SEC23B: variants seen among roughly 807,000 people sequenced by gnomAD.
The protein encoded by SEC23B is SEC23 homolog B, COPII component, also known as protein transport protein Sec23B.
A neutral mutation model predicts 104.3 loss-of-function variants in SEC23B; 77 were observed. The observed-to-expected ratio is 0.74, with a 90% CI of 0.61 to 0.89. The LOEUF is 0.89. Among genes scored for constraint, SEC23B ranks in the 40% least tolerant of loss-of-function variants. The pLI, the probability that SEC23B is intolerant of heterozygous loss-of-function variation, is 0.00. For synonymous variants in SEC23B, 338 were observed against 332.5 expected, an observed-to-expected ratio of 1.02 and a Z score of -0.18; for missense variants, 885 against 949.4, an observed-to-expected ratio of 0.93 and a Z score of 0.89.
intron 14 of SEC23B, among the ~76,000 whole-genome samples, chr20:18,545,752 C>G (rs1214632777): frequency 6.6e-6 from 1 of 152,152 alleles, no homozygotes; most frequent in Non-Finnish European, 1.5e-5. Flanking sequence ...TCAGCTCCTC[C>G]CTAGAGTCTG....
At chr20:18,555,725 C>CAG (rs1568626279) in intron 19 of SEC23B, among the ~76,000 whole-genome samples, 8 of 152,054 alleles carry the variant, frequency 5.3e-5, no homozygotes, top group African/African-American at 1.9e-4. Context: ...AGAAATAATA[C>CAG]AGAGAGATCA....
Position 18,554,251 on chromosome 20 carries a change from G to A in SEC23B, c.2009G>A (p.Arg670His), listed in dbSNP as rs757662443. The A allele has an allele frequency of 2.4e-5, 38 of 1,614,060 alleles. No individual in the cohort carries two copies. The highest frequency in any genetic ancestry group is 1.2e-4 in the South Asian group (11 of 91,092). ...TCTGTGTAGACCATAGCCCAGTGGC[G>A]TAAAGCTGGCTACCAGGACATGCCC... is the stretch of plus-strand genomic sequence containing the variant. ...IYLGETIAQW[R>H]KAGYQDMPEY... The change falls in exon 18 of 20, where the codon CGT becomes CAT. Residue 670 changes from arginine to histidine, a missense_variant. Physicochemically the swap from Arg to His is conservative, Grantham distance 29. Coordinates refer to ENST00000650089, the MANE Select transcript of SEC23B (RefSeq NM_006363.6).
chr20:18,513,467 A>G (rs1423165839), intron 3 of SEC23B, among the ~76,000 whole-genome samples: 6 of 152,226 alleles, frequency 3.9e-5, no homozygotes, highest in Admixed American at 6.5e-5. Flanking sequence ...AGTGAATTTT[A>G]TGTTGCGTAA....
chr20:18,512,313 T>C (rs2059988504), intron 3 of SEC23B, 31 bp downstream of exon 3: 2 of 1,372,418 alleles, frequency 1.5e-6, no homozygotes, highest in Non-Finnish European at 1.0e-6. Flanking sequence ...AAATGTTATA[T>C]GTTTTATTTT....
chr20:18,557,201 A>C (rs1012973880), intron 19 of SEC23B, among the ~76,000 whole-genome samples: 1 of 151,734 alleles, frequency 6.6e-6, no homozygotes, highest in Non-Finnish European at 1.5e-5. Flanking sequence ...CTGCCTTCCC[A>C]TGAGTTATTT....
At chr20:18,551,259 G>C in intron 17 of SEC23B, 84 bp downstream of exon 17, 1 of 751,364 alleles carries the variant, frequency 1.3e-6, no homozygotes, top group Non-Finnish European at 2.3e-6. Flanking sequence ...CACACAAGGA[G>C]AATTATTGTC....
At chr20:18,557,161 T>C (rs903476238) in intron 19 of SEC23B, among the ~76,000 whole-genome samples, 1 of 152,210 alleles carries the variant, frequency 6.6e-6, no homozygotes, top group Non-Finnish European at 1.5e-5. Flanking sequence ...TGTTTTCTGC[T>C]TTTCTTTTTT....
chr20:18,534,583 G>T (rs903781152), intron 11 of SEC23B, among the ~76,000 whole-genome samples: 4 of 152,200 alleles, frequency 2.6e-5, no homozygotes, highest in Non-Finnish European at 5.9e-5. Context: ...TACTGTAAGG[G>T]AACACTTCCC....
intron 11 of SEC23B, among the ~76,000 whole-genome samples, chr20:18,533,280 C>T (rs986136477): frequency 6.6e-5 from 10 of 152,154 alleles, no homozygotes; most frequent in African/African-American, 1.9e-4. Context: ...TTGAGATGAG[C>T]GGCTTTGCTT....
chr20:18,525,356 G>A (rs368601633), intron 6 of SEC23B, among the ~76,000 whole-genome samples: 1 of 152,154 alleles, frequency 6.6e-6, no homozygotes, highest in African/African-American at 2.4e-5. Flanking sequence ...TAACAAGCTC[G>A]ATAAAATGCA....
intron 12 of SEC23B, among the ~76,000 whole-genome samples, chr20:18,536,988 T>G (rs2060237824): frequency 6.6e-6 from 1 of 152,180 alleles, no homozygotes; most frequent in Non-Finnish European, 1.5e-5. Flanking sequence ...AGAGGAGGGT[T>G]TGGTCTTGCA....
rs2060121444 is a variant in SEC23B at position 18,524,950 on chromosome 20, A to T, written c.619A>T (p.Thr207Ser). 1 of 1,613,682 alleles carries T rather than the reference A, an allele frequency of 6.2e-7. No individual in the cohort carries two copies. The highest frequency in any genetic ancestry group is 1.7e-5 in the Admixed American group (1 of 59,948). Residue 207 changes from threonine to serine, a missense_variant, in exon 6 of 20, where the codon ACC becomes TCC. Coordinates refer to ENST00000650089, the MANE Select transcript of SEC23B (RefSeq NM_006363.6). ...TTTTTTTAAGGATATGTTGGGCCTGACCAAGCCAGCCATGCCCATGCAGCA... is the reference window on the plus strand; with the variant it reads ...TTTTTTTAAGGATATGTTGGGCCTGTCCAAGCCAGCCATGCCCATGCAGCA... Reference protein sequence around the residue: ...AKQIQDMLGLTKPAMPMQQAR... With the variant: ...AKQIQDMLGLSKPAMPMQQAR...
chr20:18,510,088 C>A (rs1035762585), intron 1 of SEC23B: 1 of 152,258 alleles, frequency 6.6e-6, no homozygotes, highest in Non-Finnish European at 1.5e-5. Context: ...AATGAGCACC[C>A]CCCCGCTACT....
intron 17 of SEC23B, among the ~76,000 whole-genome samples, chr20:18,553,987 T>C (rs1304608458): frequency 2.0e-5 from 3 of 152,158 alleles, no homozygotes; most frequent in Admixed American, 6.5e-5. Flanking sequence ...TGTTAACTAG[T>C]TGATATAGAA....
At position 18,539,934 on chromosome 20, in the gene SEC23B, A is replaced by G. The variant is rs949529281; in HGVS notation, c.1405-2362A>G. 2.6e-5 allele frequency among the ~76,000 whole-genome samples: 4 copies of G among 152,164 alleles called. No individual in the cohort carries two copies. In the South Asian group the frequency reaches 6.2e-4, roughly 24 times the overall value. ...GCTGGGATTACAGGCGTAAGCCACT[A>G]TGCCCAGCTGAGGATCCACTTCTAA... On this transcript the variant is annotated intron_variant, in intron 12 of 19. Coordinates refer to ENST00000650089, the MANE Select transcript of SEC23B (RefSeq NM_006363.6).
chr20:18,535,708 C>A lies in SEC23B; in HGVS notation c.1370C>A (p.Ser457Tyr). 1.2e-6 allele frequency: 2 copies of A among 1,614,060 alleles called. No individual in the cohort carries two copies. The highest frequency in any genetic ancestry group is 1.7e-6 in the Non-Finnish European group (2 of 1,179,926). Residue 457 changes from serine (S) to tyrosine (Y), a missense_variant, in exon 12 of 20, where the codon TCT becomes TAT. By Grantham distance (144) the Ser-to-Tyr change is moderately radical. Coordinates refer to ENST00000650089, the MANE Select transcript of SEC23B (RefSeq NM_006363.6). Reference protein sequence around the residue: ...QWKICGLDPTSTLGIYFEVVN... With the variant: ...QWKICGLDPTYTLGIYFEVVN... ...AAAATCTGTGGCCTAGATCCTACAT[C>A]TACACTTGGCATCTATTTTGAAGTT...
chr20:18,516,182 A>G (rs56243131), intron 4 of SEC23B, among the ~76,000 whole-genome samples: 11,151 of 150,446 alleles, frequency 0.074, 528 homozygotes, highest in Non-Finnish European at 0.1. Flanking sequence ...GAATCTTCTA[A>G]TTGTTCTCCC....
chr20:18,548,460 CT>C, intron 15 of SEC23B, 148 bp from the exon 16 acceptor site: 1 of 746,642 alleles, frequency 1.3e-6, no homozygotes, highest in Non-Finnish European at 2.3e-6. Flanking sequence ...TCCCTAGCCC[CT>C]GGTGCCCCCT....
At chr20:18,530,916 A>G in intron 10 of SEC23B, 113 bp downstream of exon 10, 2 of 773,670 alleles carry the variant, frequency 2.6e-6, no homozygotes, top group Non-Finnish European at 4.3e-6. Flanking sequence ...TGCTGGGATT[A>G]TGAGGCATGA....
Sources: allele counts gnomAD v4.1 joint callset (sites outside exome capture counted in the v4.1 genomes callset), GRCh38; gene constraint gnomAD v4.1.1; transcripts MANE v1.5; gene names NCBI Gene and HGNC (gene_info 2026-07-23, HGNC 2026-07-21).